The following DMD variants were observed in gnomAD, a reference collection of about 807,000 sequenced individuals.
DMD encodes mutant dystrophin.
In DMD, 63 loss-of-function variants were observed where a neutral mutation model predicts 330.1. The observed-to-expected ratio is 0.19, with a 90% confidence interval of 0.16 to 0.24. The LOEUF (loss-of-function observed/expected upper bound fraction) is 0.24. Ranked by LOEUF, DMD falls within the 10% of genes least tolerant of loss-of-function variation. The pLI is 1.00. For synonymous variants in DMD, 1,223 were observed against 959.8 expected (o/e 1.27, Z -5.07); for missense variants, 3,344 against 2,684.1 (o/e 1.25, Z -5.43).
chrX:33,138,593 A>G (rs1032841702), intron 1 of DMD, among the ~76,000 whole-genome samples: 1 of 111,169 alleles, frequency 9.0e-6, no homozygotes, highest in Non-Finnish European at 1.9e-5. Flanking sequence ...TAAACACTCT[A>G]TCTCCATTGT....
intron 47 of DMD, among the ~76,000 whole-genome samples, chrX:31,900,172 T>C (rs2094402967): frequency 9.0e-6 from 1 of 111,692 alleles, no homozygotes; most frequent in African/African-American, 3.3e-5. Flanking sequence ...ACAGTATCTA[T>C]ACTTCCTAGT....
In DMD at chrX:32,089,496, T is replaced by C. The variant is rs189655082; in HGVS notation, c.6439-120982A>G. 4.9e-4 allele frequency among the ~76,000 whole-genome samples: 55 copies of C among 111,535 alleles called. No homozygotes were observed. The Admixed American group carries it at 5.2e-3, about 10-fold the overall frequency. Reference sequence around the variant, plus strand: ...TTATTCCCCTCTTTGTGTCCATATGTTCTCATCATTTAGCTTCCATTTATA... The same window carrying C: ...TTATTCCCCTCTTTGTGTCCATATGCTCTCATCATTTAGCTTCCATTTATA... On this transcript the variant is annotated intron_variant, in intron 44 of 78. Coordinates refer to ENST00000357033, the MANE Select transcript of DMD (RefSeq NM_004006.3).
chrX:31,797,070 T>C (rs1335354417), intron 50 of DMD, among the ~76,000 whole-genome samples: 1 of 111,677 alleles, frequency 9.0e-6, no homozygotes, highest in Non-Finnish European at 1.9e-5. Flanking sequence ...GGCATTCCTT[T>C]ATAGCAACAT....
At chrX:31,815,524 A>G (rs2092602109) in intron 50 of DMD, among the ~76,000 whole-genome samples, 1 of 111,492 alleles carries the variant, frequency 9.0e-6, no homozygotes, top group Non-Finnish European at 1.9e-5. Flanking sequence ...GTTGAAGCCC[A>G]GTAATCTATA....
chrX:31,749,112 G>T (rs1468427223), intron 51 of DMD, among the ~76,000 whole-genome samples: 2 of 106,138 alleles, frequency 1.9e-5, no homozygotes, highest in African/African-American at 6.9e-5. Context: ...GCATTTGTTT[G>T]TTTCTTTTTT....
At chrX:31,205,058 C>T (rs960069524) in intron 66 of DMD, among the ~76,000 whole-genome samples, 3 of 112,192 alleles carry the variant, frequency 2.7e-5, no homozygotes, top group South Asian at 3.7e-4. Flanking sequence ...GAAGTATCTA[C>T]AGTAGAATGG....
chrX:32,591,618 C>G (rs140645010), intron 13 of DMD, among the ~76,000 whole-genome samples: 2 of 112,390 alleles, frequency 1.8e-5, no homozygotes, highest in Non-Finnish European at 3.8e-5. Context: ...CTGTCTGGAG[C>G]GGCCACTGCA....
chrX:31,894,830 T>A lies in DMD; in HGVS notation c.6913-19457A>T, dbSNP rs1380663331. On this transcript the variant is annotated intron_variant, in intron 47 of 78. Transcript: ENST00000357033. ...TAAAACAACAAATCTGAAGCCATGG[T>A]CTTTTTCATCACTTTTATATAAATT... 3.6e-5 allele frequency among the ~76,000 whole-genome samples: 4 copies of A among 111,981 alleles called. No individual in the cohort carries two copies. In the East Asian group the frequency reaches 1.1e-3, roughly 31 times the overall value.
Position 31,550,786 on chromosome X carries a change from T to C in DMD, c.8218-43333A>G, listed in dbSNP as rs6631335. 3.1e-4 allele frequency among the ~76,000 whole-genome samples: 35 copies of C among 112,180 alleles called. No individual in the cohort carries two copies. In the East Asian group the frequency reaches 9.3e-3, roughly 30 times the overall value. ...AAAGTAACAATGCCTCTGTCTGTTATGGTGACTCAGTCTGGGTTTCCCATA... is the reference window on the plus strand; with the variant it reads ...AAAGTAACAATGCCTCTGTCTGTTACGGTGACTCAGTCTGGGTTTCCCATA... On this transcript the variant is annotated intron_variant, in intron 55 of 78. Transcript: ENST00000357033.
intron 54 of DMD, among the ~76,000 whole-genome samples, chrX:31,652,333 C>G: frequency 8.9e-6 from 1 of 111,763 alleles, no homozygotes; most frequent in Non-Finnish European, 1.9e-5. Flanking sequence ...GTATGACCAT[C>G]TGACACATCA....
At chrX:31,357,054 G>T (rs1021670149) in intron 60 of DMD, among the ~76,000 whole-genome samples, 13 of 107,768 alleles carry the variant, frequency 1.2e-4, no homozygotes, top group African/African-American at 4.4e-4. Context: ...TTTTCCTAAT[G>T]TATCTCATGA....
At chrX:32,633,607 C>A (rs2058891652) in intron 11 of DMD, among the ~76,000 whole-genome samples, 1 of 111,944 alleles carries the variant, frequency 8.9e-6, no homozygotes, top group South Asian at 3.7e-4. Flanking sequence ...TGTACTAGGC[C>A]ACTCTCGCAT....
intron 2 of DMD, among the ~76,000 whole-genome samples, chrX:32,899,057 A>C (rs2085984960): frequency 8.9e-6 from 1 of 112,162 alleles, no homozygotes; most frequent in Non-Finnish European, 1.9e-5. Context: ...ATACAACTCC[A>C]GATTCTTAAG....
At chrX:31,672,268 T>C (rs939770865) in intron 53 of DMD, among the ~76,000 whole-genome samples, 4 of 112,471 alleles carry the variant, frequency 3.6e-5, no homozygotes, top group African/African-American at 1.3e-4. Flanking sequence ...ATCTGCATTG[T>C]ATGATTTTAA....
intron 5 of DMD, among the ~76,000 whole-genome samples, chrX:32,817,526 T>A (rs1315919829): frequency 2.7e-5 from 3 of 112,068 alleles, no homozygotes; most frequent in African/African-American, 9.7e-5. Flanking sequence ...CATCTTTTAT[T>A]AAAGAATTAT....
At chrX:32,280,735 C>T (rs1340195947) in intron 43 of DMD, among the ~76,000 whole-genome samples, 3 of 111,949 alleles carry the variant, frequency 2.7e-5, no homozygotes, top group Non-Finnish European at 5.6e-5. Context: ...CTAGCTTCCA[C>T]TTTAAAAGAT....
At chrX:32,434,423 A>G (rs1282089968) in intron 29 of DMD, among the ~76,000 whole-genome samples, 1 of 112,196 alleles carries the variant, frequency 8.9e-6, no homozygotes, top group Non-Finnish European at 1.9e-5. Context: ...AAAATAAAAT[A>G]AAATAAAAAT....
At chrX:32,951,797 T>A (rs924189992) in intron 2 of DMD, among the ~76,000 whole-genome samples, 1 of 111,901 alleles carries the variant, frequency 8.9e-6, no homozygotes, top group African/African-American at 3.2e-5. Flanking sequence ...ATCCTAAGGG[T>A]AACTCTGATA....
chrX:33,073,688 C>T (rs377568447), intron 1 of DMD, among the ~76,000 whole-genome samples: 2 of 109,953 alleles, frequency 1.8e-5, no homozygotes, highest in East Asian at 2.9e-4. Context: ...AAAAATTAGC[C>T]GGGCTTGGTG....
Sources: gnomAD v4.1 joint callset for allele counts (sites outside exome capture counted in the v4.1 genomes callset) on GRCh38, gnomAD v4.1.1 for gene constraint, MANE v1.5 for transcripts, NCBI Gene and HGNC (gene_info 2026-07-23, HGNC 2026-07-21) for gene names.